Variants in KCNQ3 observed in about 807,000 individuals in gnomAD.
The protein encoded by KCNQ3 is potassium voltage-gated channel subfamily Q member 3.
KCNQ3 carries 30 observed loss-of-function variants against 92.5 expected under a neutral mutation model. That is an observed-to-expected ratio of 0.32 (90% CI 0.24 to 0.44). KCNQ3 has a LOEUF of 0.44. Ranked by LOEUF, KCNQ3 falls within the 20% of genes least tolerant of loss-of-function variation. The probability of loss-of-function intolerance (pLI) is 1.00; values close to 1 mark genes in which losing one functional copy is unlikely to be tolerated. For synonymous variants in KCNQ3, 450 were observed against 468.8 expected (o/e 0.96, Z 0.52); for missense variants, 913 against 1,140.3 (o/e 0.80, Z 2.87).
chr8:132,425,332 A>G (rs1456528595), intron 1 of KCNQ3, among the ~76,000 whole-genome samples: 1 of 152,226 alleles, frequency 6.6e-6, no homozygotes, highest in African/African-American at 2.4e-5. Flanking sequence ...TGTAAGTAGC[A>G]AGTAAACTCC....
intron 1 of KCNQ3, among the ~76,000 whole-genome samples, chr8:132,230,403 G>C (rs1216761637): frequency 1.3e-5 from 2 of 151,566 alleles, no homozygotes; most frequent in African/African-American, 4.9e-5. Context: ...TCACTGCTGA[G>C]AAAGAGACAG....
At chr8:132,263,752 A>G (rs1815869142) in intron 1 of KCNQ3, among the ~76,000 whole-genome samples, 1 of 152,240 alleles carries the variant, frequency 6.6e-6, no homozygotes, top group African/African-American at 2.4e-5. Context: ...AGGTTAGAAC[A>G]GCAGCCTCAG....
chr8:132,407,532 GCA>G (rs1820524105), intron 1 of KCNQ3, among the ~76,000 whole-genome samples: 1 of 152,170 alleles, frequency 6.6e-6, no homozygotes, highest in African/African-American at 2.4e-5. Context: ...CAGGATCAAA[GCA>G]GCACACTATT....
chr8:132,132,298 A>G (rs752248264), intron 13 of KCNQ3, 34 bp from the exon 14 acceptor site: 200 of 1,547,682 alleles, frequency 1.3e-4, no homozygotes, highest in Non-Finnish European at 1.2e-4. Context: ...TAAGATCATT[A>G]TATCTATTTT....
intron 1 of KCNQ3, among the ~76,000 whole-genome samples, chr8:132,288,602 G>A (rs768732221): frequency 6.6e-6 from 1 of 152,040 alleles, no homozygotes; most frequent in Non-Finnish European, 1.5e-5. Context: ...ATAGCTTTCT[G>A]ACTCTCTGGC....
intron 3 of KCNQ3, among the ~76,000 whole-genome samples, chr8:132,183,323 G>A (rs1220664338): frequency 6.6e-6 from 1 of 152,122 alleles, no homozygotes; most frequent in Non-Finnish European, 1.5e-5. Context: ...GAGTGTCAGA[G>A]GAGTTAAAAT....
chr8:132,323,186 C>A (rs1366521845), intron 1 of KCNQ3, among the ~76,000 whole-genome samples: 1 of 152,166 alleles, frequency 6.6e-6, no homozygotes, highest in Non-Finnish European at 1.5e-5. Context: ...CTGTCTTCTT[C>A]CTCCAAGGCC....
At chr8:132,387,968 A>AAGG (rs1008567973) in intron 1 of KCNQ3, among the ~76,000 whole-genome samples, 4 of 151,098 alleles carry the variant, frequency 2.6e-5, no homozygotes, top group African/African-American at 9.8e-5. Context: ...GAAGAAGAAG[A>AAGG]AGGAGGAGAA....
chr8:132,143,548 T>C (rs1260530148), intron 9 of KCNQ3, among the ~76,000 whole-genome samples: 3 of 152,186 alleles, frequency 2.0e-5, no homozygotes, highest in Admixed American at 2.0e-4. Context: ...TGACAAACCA[T>C]GTGACCTAGG....
chr8:132,431,214 C>A lies in KCNQ3; in HGVS notation c.386+48933G>T, dbSNP rs1252808178. On this transcript the variant is annotated intron_variant, in intron 1 of 14. Coordinates refer to ENST00000388996, the MANE Select transcript of KCNQ3 (RefSeq NM_004519.4). ...CCCTACTCTCCCTAGGAGAGTTTGT[C>A]CTTGTCACTGATGTGGACCATTCCC... Among the ~76,000 whole-genome samples the A allele has an allele frequency of 2.6e-5, 4 of 152,156 alleles. No homozygotes were observed. In the East Asian group the frequency reaches 7.7e-4, roughly 29 times the overall value.
chr8:132,173,427 G>A (rs1328702312), intron 6 of KCNQ3, among the ~76,000 whole-genome samples: 2 of 152,192 alleles, frequency 1.3e-5, no homozygotes, highest in African/African-American at 4.8e-5. Context: ...GTGGGTGGCA[G>A]GGAGATTGTT....
chr8:132,227,208 C>T (rs1385599528), intron 1 of KCNQ3, among the ~76,000 whole-genome samples: 1 of 151,866 alleles, frequency 6.6e-6, no homozygotes, highest in Admixed American at 6.6e-5. Flanking sequence ...ACTACAGGCA[C>T]GTGCCCCAAC....
At chr8:132,197,216 A>T (rs1827323686) in intron 1 of KCNQ3, among the ~76,000 whole-genome samples, 1 of 152,170 alleles carries the variant, frequency 6.6e-6, no homozygotes, top group Non-Finnish European at 1.5e-5. Context: ...AGATTCATCC[A>T]ACCTGCTCTA....
At chr8:132,186,929 T>TGAGAGAGAGAGAGAGAGAGAGAGAGAGA (rs752305044) in intron 1 of KCNQ3, among the ~76,000 whole-genome samples, 12 of 98,584 alleles carry the variant, frequency 1.2e-4, no homozygotes, top group African/African-American at 1.7e-4. Flanking sequence ...TGTGTGTGTG[T>TGAGAGAGAGAGAGAGAGAGAGAGAGAGA]GTGTGAGAGA....
intron 1 of KCNQ3, among the ~76,000 whole-genome samples, chr8:132,269,928 T>C (rs1816100610): frequency 6.6e-6 from 1 of 152,076 alleles, no homozygotes; most frequent in African/African-American, 2.4e-5. Context: ...TGGGTGGGGG[T>C]AGGGCAAAAG....
chr8:132,333,608 T>C (rs936810562), intron 1 of KCNQ3, among the ~76,000 whole-genome samples: 20 of 152,202 alleles, frequency 1.3e-4, no homozygotes, highest in African/African-American at 2.2e-4. Context: ...TTTTGACCTA[T>C]GGATTTTGTA....
At chr8:132,411,648 C>T (rs1299594832) in intron 1 of KCNQ3, among the ~76,000 whole-genome samples, 1 of 152,138 alleles carries the variant, frequency 6.6e-6, no homozygotes, top group Non-Finnish European at 1.5e-5. Flanking sequence ...GACACACACA[C>T]ACAACACACA....
intron 1 of KCNQ3, among the ~76,000 whole-genome samples, chr8:132,439,838 G>A (rs1821491339): frequency 6.6e-6 from 1 of 152,156 alleles, no homozygotes; most frequent in Non-Finnish European, 1.5e-5. Context: ...CTTCAGACAT[G>A]TAAAATAACA....
At chr8:132,281,832 C>T (rs980992774) in intron 1 of KCNQ3, among the ~76,000 whole-genome samples, 7 of 152,178 alleles carry the variant, frequency 4.6e-5, no homozygotes, top group Non-Finnish European at 1.0e-4. Flanking sequence ...AGCCCCAGGT[C>T]CTGTCAAAGA....
Sources: allele counts gnomAD v4.1 joint callset (sites outside exome capture counted in the v4.1 genomes callset), GRCh38; gene constraint gnomAD v4.1.1; transcripts MANE v1.5; gene names NCBI Gene and HGNC (gene_info 2026-07-23, HGNC 2026-07-21).